Variants in CAMK2D observed in about 807,000 individuals in gnomAD.
CAMK2D encodes calcium/calmodulin dependent protein kinase II delta.
CAMK2D carries 37 observed loss-of-function variants against 84.0 expected under a neutral mutation model. The ratio of observed to expected loss-of-function variants is 0.44; its 90% confidence interval spans 0.34 to 0.58. The LOEUF (loss-of-function observed/expected upper bound fraction) is 0.58. Among genes scored for constraint, CAMK2D ranks in the 20% least tolerant of loss-of-function variants. The pLI is 0.02. For synonymous variants in CAMK2D, 202 were observed against 212.5 expected, an observed-to-expected ratio of 0.95 and a Z score of 0.43; for missense variants, 448 against 652.5, an observed-to-expected ratio of 0.69 and a Z score of 3.41.
At chr4:113,566,027 C>T (rs2098722160) in intron 4 of CAMK2D, among the ~76,000 whole-genome samples, 1 of 152,072 alleles carries the variant, frequency 6.6e-6, no homozygotes, top group African/African-American at 2.4e-5. Flanking sequence ...ATTATTTATT[C>T]TGTGAAGTTA....
chr4:113,748,491 T>C (rs2099609776), intron 2 of CAMK2D, among the ~76,000 whole-genome samples: 1 of 151,790 alleles, frequency 6.6e-6, no homozygotes, highest in South Asian at 2.1e-4. Context: ...ATCAGAACTA[T>C]AAAAAAAGTT....
At chr4:113,747,963 A>C (rs2099608384) in intron 2 of CAMK2D, among the ~76,000 whole-genome samples, 1 of 152,150 alleles carries the variant, frequency 6.6e-6, no homozygotes, top group Non-Finnish European at 1.5e-5. Context: ...CTTTATTGGT[A>C]CGTTCCAATA....
chr4:113,711,231 C>T (rs2099491515), intron 2 of CAMK2D, among the ~76,000 whole-genome samples: 1 of 150,852 alleles, frequency 6.6e-6, no homozygotes, highest in South Asian at 2.1e-4. Context: ...ATCATACATA[C>T]TTAAAGTTGA....
chr4:113,638,970 C>T (rs1009362456), intron 3 of CAMK2D, among the ~76,000 whole-genome samples: 40 of 151,708 alleles, frequency 2.6e-4, no homozygotes, highest in Admixed American at 1.1e-3. Flanking sequence ...AGGTTTGGCA[C>T]GGTGGTTCAC....
chr4:113,521,517 A>G (rs532513830), intron 8 of CAMK2D, among the ~76,000 whole-genome samples: 13 of 152,282 alleles, frequency 8.5e-5, no homozygotes, highest in East Asian at 5.8e-4. Context: ...GTATCTAGAG[A>G]CCAAGATTGA....
chr4:113,518,541 A>G (rs1243347989), intron 8 of CAMK2D, among the ~76,000 whole-genome samples: 2 of 152,054 alleles, frequency 1.3e-5, no homozygotes, highest in Non-Finnish European at 2.9e-5. Context: ...CTTTTCACGT[A>G]TTTTATTGCC....
chr4:113,706,134 C>T (rs1488065491), intron 2 of CAMK2D, among the ~76,000 whole-genome samples: 1 of 152,118 alleles, frequency 6.6e-6, no homozygotes, highest in African/African-American at 2.4e-5. Context: ...TACAAAATGG[C>T]TAATTGTAGG....
chr4:113,516,607 GAC>G (rs2098287050), intron 9 of CAMK2D, among the ~76,000 whole-genome samples: 2 of 140,222 alleles, frequency 1.4e-5, no homozygotes, highest in African/African-American at 5.8e-5. Flanking sequence ...AATTCTTGCT[GAC>G]ACACACATCC....
intron 2 of CAMK2D, among the ~76,000 whole-genome samples, chr4:113,720,242 G>A (rs1433564102): frequency 6.6e-6 from 1 of 151,940 alleles, no homozygotes; most frequent in Middle Eastern, 3.2e-3. Context: ...ACCAGTTAAA[G>A]GGTTCTGATT....
chr4:113,587,320 A>G (rs2098838557), intron 4 of CAMK2D, among the ~76,000 whole-genome samples: 1 of 152,226 alleles, frequency 6.6e-6, no homozygotes, highest in Non-Finnish European at 1.5e-5. Context: ...TCTTTTACAA[A>G]ATCAAAATGA....
chr4:113,710,770 A>G (rs2099489754), intron 2 of CAMK2D, among the ~76,000 whole-genome samples: 1 of 152,136 alleles, frequency 6.6e-6, no homozygotes, highest in African/African-American at 2.4e-5. Flanking sequence ...AGTTTGTCCT[A>G]TTTTCAGAGA....
chr4:113,491,896 C>G (rs1241072241), intron 16 of CAMK2D, among the ~76,000 whole-genome samples: 1 of 152,092 alleles, frequency 6.6e-6, no homozygotes, highest in Admixed American at 6.5e-5. Flanking sequence ...AGGAATTTAT[C>G]CATTTCTTCT....
At chr4:113,609,981 T>C (rs1277884673) in intron 3 of CAMK2D, among the ~76,000 whole-genome samples, 1 of 152,180 alleles carries the variant, frequency 6.6e-6, no homozygotes, top group South Asian at 2.1e-4. Flanking sequence ...ATTTACTTGT[T>C]CATAAGCCCC....
intron 4 of CAMK2D, among the ~76,000 whole-genome samples, chr4:113,594,310 G>T (rs1176517403): frequency 6.6e-6 from 1 of 152,186 alleles, no homozygotes; most frequent in Admixed American, 6.5e-5. Context: ...TTCAACATGA[G>T]ATCTGGTGGG....
At chr4:113,625,813 G>A (rs756229636) in intron 3 of CAMK2D, among the ~76,000 whole-genome samples, 22 of 152,124 alleles carry the variant, frequency 1.4e-4, no homozygotes, top group Admixed American at 1.2e-3. Flanking sequence ...GAACACATCC[G>A]TGACTGACGT....
At chr4:113,615,422 C>T (rs1443312460) in intron 3 of CAMK2D, among the ~76,000 whole-genome samples, 1 of 152,004 alleles carries the variant, frequency 6.6e-6, no homozygotes, top group Non-Finnish European at 1.5e-5. Flanking sequence ...CATTATTCTC[C>T]TGGCTTTATT....
At chr4:113,714,531 G>A (rs1293564863) in intron 2 of CAMK2D, among the ~76,000 whole-genome samples, 1 of 152,034 alleles carries the variant, frequency 6.6e-6, no homozygotes, top group African/African-American at 2.4e-5. Context: ...TGCAAGAGAT[G>A]CACTCTGATT....
At chr4:113,513,179 G>C in intron 12 of CAMK2D, 149 bp downstream of exon 12, 1 of 1,468,122 alleles carries the variant, frequency 6.8e-7, no homozygotes, top group Non-Finnish European at 9.0e-7. Context: ...GCAGCCATAG[G>C]TGTAGAAGGA....
intron 3 of CAMK2D, among the ~76,000 whole-genome samples, chr4:113,630,038 T>G (rs2099083290): frequency 6.6e-6 from 1 of 152,154 alleles, no homozygotes; most frequent in Non-Finnish European, 1.5e-5. Context: ...AATGCAACAT[T>G]TTACTTAGGT....
Sources: gnomAD v4.1 joint callset for allele counts (sites outside exome capture counted in the v4.1 genomes callset) on GRCh38, gnomAD v4.1.1 for gene constraint, MANE v1.5 for transcripts, NCBI Gene and HGNC (gene_info 2026-07-23, HGNC 2026-07-21) for gene names.